HELB: variants seen among roughly 807,000 people sequenced by gnomAD.
HELB encodes DNA helicase B, also known as DNA 5'-3' helicase B.
A neutral mutation model predicts 101.7 loss-of-function variants in HELB; 96 were observed. The ratio of observed to expected loss-of-function variants is 0.94; its 90% CI spans 0.80 to 1.12. The LOEUF (loss-of-function observed/expected upper bound fraction) is 1.12, where lower values mean the gene tolerates loss of function less well. Ranked by LOEUF, HELB falls within the 50% of genes most tolerant of loss-of-function variation. The pLI is 0.00. For synonymous variants in HELB, 437 were observed against 459.7 expected, an observed-to-expected ratio of 0.95 and a Z score of 0.63; for missense variants, 1,210 against 1,291.9, an observed-to-expected ratio of 0.94 and a Z score of 0.97.
rs779714735 is a variant in HELB at position 66,331,271 on chromosome 12, T to C, written c.2788T>C (p.Ser930Pro). 4 of 1,614,000 alleles carry C rather than the reference T, an allele frequency of 2.5e-6. No homozygotes were observed. Among genetic ancestry groups the C allele is most frequent in the Non-Finnish European group, 3.4e-6 (4 of 1,180,006 alleles). The change falls in exon 12 of 13, where the codon TCT (serine) becomes CCT (proline). Residue 930 changes from serine to proline, a missense_variant. Transcript: ENST00000247815. ...RCRVYVIAEE[S>P]QLRNAIMKNS... ...CCGAGTGTATGTGATTGCAGAGGAG[T>C]CTCAGCTCCGGAATGCCATTATGAA...
In HELB at chr12:66,310,400, A is replaced by G. The variant is rs1467471785; in HGVS notation, c.1472A>G (p.His491Arg). ...ACAATCGTTAGCCGTCTTTTTAAGCATATAGAGCAGTTGGAAGAAAGAGAA... is the reference window on the plus strand; with the variant it reads ...ACAATCGTTAGCCGTCTTTTTAAGCGTATAGAGCAGTTGGAAGAAAGAGAA... Reference protein sequence around the residue: ...KTTIVSRLFKHIEQLEEREVK... With the variant: ...KTTIVSRLFKRIEQLEEREVK... The change falls in exon 4 of 13, where the codon CAT becomes CGT. Residue 491 changes from histidine (H) to arginine (R), a missense_variant. By Grantham distance (29) the His-to-Arg change is conservative (BLOSUM62 0). This residue lies in a region of HELB where 740 missense variants were observed against 728.8 expected (regional missense o/e 1.02). Transcript: ENST00000247815. 3 of 1,614,216 alleles carry G rather than the reference A, an allele frequency of 1.9e-6. No homozygotes were observed. Among genetic ancestry groups the G allele is most frequent in the Admixed American group, 1.7e-5 (1 of 60,022 alleles).
intron 11 of HELB, among the ~76,000 whole-genome samples, chr12:66,326,183 CTCTT>C (rs1359826862): frequency 6.6e-6 from 1 of 151,800 alleles, no homozygotes; most frequent in Non-Finnish European, 1.5e-5. Flanking sequence ...TCTTATTTAT[CTCTT>C]TGTTTTGAGC....
At chr12:66,324,845 T>G in intron 10 of HELB, 138 bp from the exon 11 acceptor site, 1 of 1,029,426 alleles carries the variant, frequency 9.7e-7, no homozygotes, top group Non-Finnish European at 1.5e-6. Flanking sequence ...AAATGCAAAT[T>G]TTAAGCCTTT....
intron 4 of HELB, among the ~76,000 whole-genome samples, chr12:66,313,651 G>A (rs1350259556): frequency 2.0e-5 from 3 of 152,106 alleles, no homozygotes; most frequent in Non-Finnish European, 4.4e-5. Flanking sequence ...TTCCAGAATG[G>A]AGTACTATGG....
Position 66,338,117 on chromosome 12 carries a change from G to C in HELB, c.*15G>C. 3 of 1,356,242 alleles carry C rather than the reference G, an allele frequency of 2.2e-6. No individual in the cohort carries two copies. Among genetic ancestry groups the C allele is most frequent in the Non-Finnish European group, 3.2e-6 (3 of 947,626 alleles). 84.0% of individuals were successfully genotyped at this position (1,356,242 alleles called of 1,614,324 possible). On this transcript the variant is annotated 3_prime_UTR_variant, in exon 13 of 13. Coordinates refer to ENST00000247815, the MANE Select transcript of HELB (RefSeq NM_001370285.1). ...AAGAAACTTAGTTTTATTTCAAATT[G>C]TTCCGAGTAACTATGTTTTTCTATT... is the stretch of plus-strand genomic sequence containing the variant.
chr12:66,332,928 T>A (rs2053825909), intron 12 of HELB, among the ~76,000 whole-genome samples: 1 of 152,184 alleles, frequency 6.6e-6, no homozygotes, highest in African/African-American at 2.4e-5. Context: ...CAAGCTAGTG[T>A]CTTCAACTCA....
At chr12:66,319,380 T>C (rs1025258099) in intron 7 of HELB, among the ~76,000 whole-genome samples, 2 of 152,096 alleles carry the variant, frequency 1.3e-5, no homozygotes, top group African/African-American at 4.8e-5. Flanking sequence ...ACCTGTGTCA[T>C]GTCACTTAAC....
Position 66,331,387 on chromosome 12 carries a change from A to G in HELB, c.2904A>G (p.Pro968=), listed in dbSNP as rs575198070. ...SGAPPADFPS[P]RKSSGDSGGP... ...CACCTCCAGCAGATTTTCCGTCCCC[A>G]CGGAAGAGCTCTGGAGACAGTGGAG... The change falls in exon 12 of 13, where the codon CCA becomes CCG. Residue 968 remains proline, a synonymous_variant. Coordinates refer to ENST00000247815, the MANE Select transcript of HELB (RefSeq NM_001370285.1). The G allele has an allele frequency of 1.2e-6, 2 of 1,614,234 alleles. No individual in the cohort carries two copies. Among genetic ancestry groups the G allele is most frequent in the Non-Finnish European group, 1.7e-6 (2 of 1,180,038 alleles).
In HELB at chr12:66,318,809, A is replaced by G. The variant is rs774380338; in HGVS notation, c.2155+17A>G. On this transcript the variant is annotated intron_variant, in intron 7 of 12. Coordinates refer to ENST00000247815, the MANE Select transcript of HELB (RefSeq NM_001370285.1). ...ATCACTCTTGTAAGTATAAACTTCT[A>G]TGAGATGTAGAGTTAAGTATAACTA... 3 of 1,575,584 alleles carry G rather than the reference A, an allele frequency of 1.9e-6. No individual in the cohort carries two copies. Among genetic ancestry groups the G allele is most frequent in the Non-Finnish European group, 2.6e-6 (3 of 1,161,560 alleles).
chr12:66,309,359 G>A (rs1302262513), intron 3 of HELB, among the ~76,000 whole-genome samples: 1 of 152,058 alleles, frequency 6.6e-6, no homozygotes, highest in Non-Finnish European at 1.5e-5. Context: ...ATAGTACTTA[G>A]AAATATGGAA....
rs994466336 is a variant in HELB at position 66,328,564 on chromosome 12, C to T, written c.2671-2590C>T. On this transcript the variant is annotated intron_variant, in intron 11 of 12. Coordinates refer to ENST00000247815, the MANE Select transcript of HELB (RefSeq NM_001370285.1). Reference sequence around the variant, plus strand: ...TCTCTCAAAAACAAAAACAAATAAACAAAACAAAAGTTACTAGATACAGTC... The same window carrying T: ...TCTCTCAAAAACAAAAACAAATAAATAAAACAAAAGTTACTAGATACAGTC... Among the ~76,000 whole-genome samples the T allele has an allele frequency of 4.6e-5, 7 of 152,076 alleles. No homozygotes were observed. The South Asian group carries it at 6.2e-4, about 14-fold the overall frequency.
intron 3 of HELB, 133 bp from the exon 4 acceptor site, chr12:66,309,573 G>C: frequency 2.0e-6 from 1 of 500,412 alleles, no homozygotes; most frequent in Non-Finnish European, 3.5e-6. Context: ...TAGAAAATTA[G>C]TGATGTTCTA....
chr12:66,320,687 A>T (rs2053660449), intron 7 of HELB, among the ~76,000 whole-genome samples: 1 of 151,440 alleles, frequency 6.6e-6, no homozygotes, highest in Non-Finnish European at 1.5e-5. Context: ...TCTGCTGGAA[A>T]ATTAGTCTCT....
In HELB at chr12:66,315,279, C is replaced by T; in HGVS notation, c.1896C>T (p.Asn632=). The T allele has an allele frequency of 1.9e-6, 3 of 1,608,350 alleles. No homozygotes were observed. Among genetic ancestry groups the T allele is most frequent in the Non-Finnish European group, 2.5e-6 (3 of 1,177,132 alleles). The change falls in exon 6 of 13, where the codon AAC becomes AAT. Residue 632 remains asparagine (N), a synonymous_variant. Transcript: ENST00000247815. The part of the protein sequence containing the change: ...IRQLPSIEPG[N]LLKDLFETLK... ...AGTTACCCAGTATTGAACCTGGTAA[C>T]TTGCTGAAAGATCTTTTTGAGACTC...
rs201665551 is a variant in HELB, at chr12:66,331,660, T to C, written c.3162+15T>C. 3.0e-5 allele frequency: 47 copies of C among 1,576,712 alleles called. 1 individual carries two copies. In the South Asian group the frequency reaches 5.2e-4, roughly 17 times the overall value. On this transcript the variant is annotated intron_variant, in intron 12 of 12. Coordinates refer to ENST00000247815, the MANE Select transcript of HELB (RefSeq NM_001370285.1). ...AAATTTTTATGGTAGGAGTGATGTT[T>C]CCATGTTCCCAAGTTTTATTTAAAT... is the stretch of plus-strand genomic sequence containing the variant.
intron 11 of HELB, among the ~76,000 whole-genome samples, chr12:66,326,217 A>G (rs1031248893): frequency 2.0e-5 from 3 of 149,048 alleles, no homozygotes; most frequent in African/African-American, 7.4e-5. Flanking sequence ...TGCTGTTGGT[A>G]TGTTGCTTTA....
At chr12:66,343,243 A>G (rs78190481) in intron 13 of HELB, 2 of 152,224 alleles carry the variant, frequency 1.3e-5, no homozygotes, top group African/African-American at 4.8e-5. Context: ...CCATTTTAAC[A>G]GTATTAAATC....
At chr12:66,320,398 C>A (rs1026461710) in intron 7 of HELB, among the ~76,000 whole-genome samples, 1 of 152,106 alleles carries the variant, frequency 6.6e-6, no homozygotes, top group Non-Finnish European at 1.5e-5. Context: ...TTATAAGCTG[C>A]ATATTGTTTT....
chr12:66,330,065 C>T (rs1002404967), intron 11 of HELB, among the ~76,000 whole-genome samples: 1 of 152,110 alleles, frequency 6.6e-6, no homozygotes, highest in Non-Finnish European at 1.5e-5. Flanking sequence ...TTTACTTGCC[C>T]CATCTTGTCA....
Sources: gnomAD v4.1 joint callset for allele counts (sites outside exome capture counted in the v4.1 genomes callset) on GRCh38, gnomAD v4.1.1 for gene constraint, gnomAD v4.1.1 regional missense constraint, MANE v1.5 for transcripts, NCBI Gene and HGNC (gene_info 2026-07-23, HGNC 2026-07-21) for gene names.